The following SPOUT1 variants were observed in gnomAD, a reference collection of about 807,000 sequenced individuals.
The protein encoded by SPOUT1 is SPOUT domain containing methyltransferase 1.
SPOUT1 carries 40 observed loss-of-function variants against 54.8 expected under a neutral mutation model. That is an observed-to-expected ratio of 0.73 (90% CI 0.57 to 0.95). SPOUT1 has a LOEUF of 0.95. Ranked by LOEUF, SPOUT1 falls within the 40% of genes least tolerant of loss-of-function variation. The pLI is 0.00. For missense variants in SPOUT1, 437 were observed against 499.5 expected, an observed-to-expected ratio of 0.87 and a Z score of 1.19; for synonymous variants, 193 against 200.3, an observed-to-expected ratio of 0.96 and a Z score of 0.31.
In SPOUT1 at chr9:128,826,297, C is replaced by T; in HGVS notation, c.508+87G>A. 4 of 1,570,626 alleles carry T rather than the reference C, an allele frequency of 2.5e-6. No homozygotes were observed. Among genetic ancestry groups the T allele is most frequent in the Admixed American group, 1.7e-5 (1 of 59,850 alleles). The stretch of plus-strand genomic sequence containing the variant: ...TTGCTCTCCCAGGCCTGCTTTCCCA[C>T]CTGGACAGCGCAGGGTAGGACTGGG... On this transcript the variant is annotated intron_variant, in intron 6 of 11. Transcript: ENST00000361256. The surrounding 1 kb of genome is among the most constrained non-coding windows in gnomAD (Gnocchi z 5.5).
chr9:128,820,868 G>T lies in SPOUT1; in HGVS notation c.*1897C>A, dbSNP rs753325227. 2 of 1,588,028 alleles carry T rather than the reference G, an allele frequency of 1.3e-6. No homozygotes were observed. Among genetic ancestry groups the T allele is most frequent in the African/African-American group, 1.3e-5 (1 of 74,568 alleles). ...GCCCAGGTAAGGTGGAAACCAGGGG[G>T]GCGGCAGAACCTCCCACTCACCTGA... On this transcript the variant is annotated 3_prime_UTR_variant, in exon 12 of 12. Transcript: ENST00000361256.
rs913464527 is a variant in SPOUT1, at chr9:128,820,668, C to G, written c.*2097G>C. 3.0e-6 allele frequency: 4 copies of G among 1,341,338 alleles called. No homozygotes were observed. The highest frequency in any genetic ancestry group is 4.2e-6 in the Non-Finnish European group (4 of 955,128). The allele number at this position is 1,341,338 out of a possible 1,614,324, so 83.1% of individuals were successfully genotyped here. ...CTGAGCCTGTCCATCCCCTCAGGAC[C>G]TGGGGCGGCCCTCTGATAGAGGAGG... On this transcript the variant is annotated 3_prime_UTR_variant, in exon 12 of 12. Coordinates refer to ENST00000361256, the MANE Select transcript of SPOUT1 (RefSeq NM_016390.4).
At chr9:128,824,226 C>G (rs772878300) in intron 9 of SPOUT1, 52 bp from the exon 10 acceptor site, 8 of 985,596 alleles carry the variant, frequency 8.1e-6, no homozygotes, top group Admixed American at 7.2e-5. Flanking sequence ...AGCCATAGCT[C>G]CGGGTATTAT....
chr9:128,825,067 G>T lies in SPOUT1; in HGVS notation c.640-18C>A, dbSNP rs1223436542. 1.3e-6 allele frequency: 2 copies of T among 1,543,960 alleles called. No homozygotes were observed. Among genetic ancestry groups the T allele is most frequent in the Non-Finnish European group, 1.8e-6 (2 of 1,138,902 alleles). ...TTCACCTCCTGGGGAGAAGCCAGAA[G>T]AAATGGGTGCCATTCCTCTCAAGAT... On this transcript the variant is annotated intron_variant, in intron 7 of 11. Transcript: ENST00000361256.
intron 3 of SPOUT1, among the ~76,000 whole-genome samples, 175 bp from the exon 4 acceptor site, chr9:128,827,366 CAT>C (rs1168734081): frequency 6.6e-6 from 1 of 152,230 alleles, no homozygotes; most frequent in African/African-American, 2.4e-5. Flanking sequence ...CAGCAGTCTC[CAT>C]GGCTCCTCTG....
At chr9:128,824,261 G>T in intron 9 of SPOUT1, 87 bp from the exon 10 acceptor site, 1 of 644,860 alleles carries the variant, frequency 1.6e-6, no homozygotes, top group Non-Finnish European at 2.9e-6. Context: ...AGGCGGGGGT[G>T]GGTGGGAAGA....
intron 3 of SPOUT1, among the ~76,000 whole-genome samples, 160 bp downstream of exon 3, chr9:128,828,575 G>T (rs1287166167): frequency 2.6e-5 from 4 of 151,850 alleles, no homozygotes; most frequent in Non-Finnish European, 5.9e-5. Context: ...AACTCAGTTT[G>T]CTGGCTCCCT....
chr9:128,820,866 G>A lies in SPOUT1; in HGVS notation c.*1899C>T, dbSNP rs755527226. The A allele has an allele frequency of 1.3e-6, 2 of 1,590,552 alleles. No homozygotes were observed. The highest frequency in any genetic ancestry group is 1.7e-6 in the Non-Finnish European group (2 of 1,166,946). Reference sequence around the variant, plus strand: ...CTGCCCAGGTAAGGTGGAAACCAGGGGGGCGGCAGAACCTCCCACTCACCT... The same window carrying A: ...CTGCCCAGGTAAGGTGGAAACCAGGAGGGCGGCAGAACCTCCCACTCACCT... On this transcript the variant is annotated 3_prime_UTR_variant, in exon 12 of 12. Transcript: ENST00000361256.
Position 128,821,727 on chromosome 9 carries a change from G to A in SPOUT1, c.*1038C>T, listed in dbSNP as rs1420697604. The stretch of plus-strand genomic sequence containing the variant: ...CCAGGCCTCATCACCTAGTTCCTTG[G>A]TGCTGTGGGCAAATGACCTGTGTCC... On this transcript the variant is annotated 3_prime_UTR_variant, in exon 12 of 12. Coordinates refer to ENST00000361256, the MANE Select transcript of SPOUT1 (RefSeq NM_016390.4). 6.2e-6 allele frequency: 1 copy of A among 160,854 alleles called. No individual in the cohort carries two copies. Among genetic ancestry groups the A allele is most frequent in the South Asian group, 1.7e-4 (1 of 5,756 alleles). 10.0% of individuals were successfully genotyped at this position (160,854 alleles called of 1,614,324 possible).
At chr9:128,827,302 G>A (rs1011454624) in intron 3 of SPOUT1, 111 bp from the exon 4 acceptor site, 3 of 1,013,568 alleles carry the variant, frequency 3.0e-6, no homozygotes, top group African/African-American at 3.2e-5. Context: ...CAAGTGGGAG[G>A]AATTTTGAGA....
At position 128,826,135 on chromosome 9, in the gene SPOUT1, C is replaced by T; in HGVS notation, c.526G>A (p.Asp176Asn). Reference protein sequence around the residue: ...LQFAGLLNPLDSPHHMRQDEE... With the variant: ...LQFAGLLNPLNSPHHMRQDEE... Reference sequence around the variant, plus strand: ...TCCTGACGCATGTGGTGGGGGCTGTCCAGGGGGTTCAGGAGCCCTGTGGAG... The same window carrying T: ...TCCTGACGCATGTGGTGGGGGCTGTTCAGGGGGTTCAGGAGCCCTGTGGAG... The change falls in exon 7 of 12, where the codon GAC becomes AAC. Residue 176 changes from aspartate (D) to asparagine (N), a missense_variant. Asp to Asn is a conservative substitution (Grantham distance 23, BLOSUM62 1). Coordinates refer to ENST00000361256, the MANE Select transcript of SPOUT1 (RefSeq NM_016390.4). This position sits in a 1 kb window ranked among gnomAD's most constrained non-coding sequence, Gnocchi z 5.5. 1 of 1,609,206 alleles carries T rather than the reference C, an allele frequency of 6.2e-7. No homozygotes were observed. The highest frequency in any genetic ancestry group is 1.1e-5 in the South Asian group (1 of 90,200).
Position 128,820,834 on chromosome 9 carries a change from A to T in SPOUT1, c.*1931T>A. 2 of 1,608,800 alleles carry T rather than the reference A, an allele frequency of 1.2e-6. No individual in the cohort carries two copies. Among genetic ancestry groups the T allele is most frequent in the Non-Finnish European group, 1.7e-6 (2 of 1,177,560 alleles). On this transcript the variant is annotated 3_prime_UTR_variant, in exon 12 of 12. Transcript: ENST00000361256. ...AAAACGTCTATGTCTGCACAGGGCC[A>T]CTCTTCCTGCCCAGGTAAGGTGGAA...
Position 128,822,837 on chromosome 9 carries a change from G to A in SPOUT1, c.1063-4C>T. On this transcript the variant is annotated splice_region_variant and splice_polypyrimidine_tract_variant and intron_variant, in intron 11 of 11. Transcript: ENST00000361256. ...CCAGGGAGATGAGGATGGCTTCCTG[G>A]AAGAGAAGCGTGGCAGTGGGCTGGG... The A allele has an allele frequency of 6.3e-7, 1 of 1,579,620 alleles. No individual in the cohort carries two copies. Among genetic ancestry groups the A allele is most frequent in the South Asian group, 1.2e-5 (1 of 86,780 alleles).
rs1830073808 is a variant in SPOUT1 at position 128,819,900 on chromosome 9, CTG to C, written c.*2863_*2864del. The C allele has an allele frequency of 6.6e-6, 1 of 152,286 alleles. No individual in the cohort carries two copies. The highest frequency in any genetic ancestry group is 2.4e-5 in the African/African-American group (1 of 41,460). 9.4% of individuals were successfully genotyped at this position (152,286 alleles called of 1,614,324 possible). On this transcript the variant is annotated 3_prime_UTR_variant, in exon 12 of 12. Coordinates refer to ENST00000361256, the MANE Select transcript of SPOUT1 (RefSeq NM_016390.4). The stretch of plus-strand genomic sequence containing the variant: ...ATGACAATCTCCAGCCGCCACTGAT[CTG>C]ACAGGAGGCGGAGCTCAGGCTGCTG...
rs769368347 is a variant in SPOUT1, at chr9:128,820,623, G to A, written c.*2142C>T. 1.1e-4 allele frequency: 88 copies of A among 820,956 alleles called. No individual in the cohort carries two copies. The highest frequency in any genetic ancestry group is 1.5e-4 in the Non-Finnish European group (77 of 506,504). 50.9% of individuals were successfully genotyped at this position (820,956 alleles called of 1,614,324 possible). A position where few individuals can be genotyped will look rare whatever the true frequency, so the allele number is the denominator to read the frequency against. On this transcript the variant is annotated 3_prime_UTR_variant, in exon 12 of 12. Coordinates refer to ENST00000361256, the MANE Select transcript of SPOUT1 (RefSeq NM_016390.4). ...ATTCCTTGAGCCTCAGTTTCCCCCC[G>A]CTTGTCTCACTGGATATCTCTGAGC...
chr9:128,822,354 T>G lies in SPOUT1; in HGVS notation c.*411A>C. ...ACAGAGGCTGATGGGAAATCCTACG[T>G]AAAGTACCAGGTCATCGGCAAGAAC... On this transcript the variant is annotated 3_prime_UTR_variant, in exon 12 of 12. Transcript: ENST00000361256. 1 of 1,613,796 alleles carries G rather than the reference T, an allele frequency of 6.2e-7. No individual in the cohort carries two copies. Among genetic ancestry groups the G allele is most frequent in the Non-Finnish European group, 8.5e-7 (1 of 1,179,930 alleles).
chr9:128,826,232 G>A lies in SPOUT1; in HGVS notation c.509-80C>T, dbSNP rs1047667954. 17 of 1,559,138 alleles carry A rather than the reference G, an allele frequency of 1.1e-5. No homozygotes were observed. Among genetic ancestry groups the A allele is most frequent in the Non-Finnish European group, 1.4e-5 (16 of 1,144,030 alleles). On this transcript the variant is annotated intron_variant, in intron 6 of 11. Coordinates refer to ENST00000361256, the MANE Select transcript of SPOUT1 (RefSeq NM_016390.4). The surrounding 1 kb of genome is among the most constrained non-coding windows in gnomAD (Gnocchi z 5.5). Reference sequence around the variant, plus strand: ...GTGGGGACCCTGGAGCGGAGTACCGGCTCTGCCACAGACCTGCGTCTTGGC... The same window carrying A: ...GTGGGGACCCTGGAGCGGAGTACCGACTCTGCCACAGACCTGCGTCTTGGC...
chr9:128,825,462 G>A (rs754878842), intron 7 of SPOUT1, among the ~76,000 whole-genome samples: 67 of 152,130 alleles, frequency 4.4e-4, no homozygotes, highest in Non-Finnish European at 7.8e-4. Flanking sequence ...CTCCCGAGTA[G>A]CTGGGATTAT....
rs768786342 is a variant in SPOUT1 at position 128,826,543 on chromosome 9, G to A, written c.455C>T (p.Pro152Leu). 1.9e-6 allele frequency: 3 copies of A among 1,611,272 alleles called. No homozygotes were observed. The highest frequency in any genetic ancestry group is 2.5e-6 in the Non-Finnish European group (3 of 1,178,292). The change falls in exon 5 of 12, where the codon CCA becomes CTA. Residue 152 changes from proline to leucine, a missense_variant. Transcript: ENST00000361256. This position sits in a 1 kb window ranked among gnomAD's most constrained non-coding sequence, Gnocchi z 5.5. ...CTTAGGGGAGTGACCCCCTTACTGT[G>A]GACACTCCAGGTACTGCAGGATCCG... ...LARILQYLECPQYLRKAFFPK... is the reference protein window; with the variant it reads ...LARILQYLECLQYLRKAFFPK...
Sources: gnomAD v4.1 joint callset for allele counts (sites outside exome capture counted in the v4.1 genomes callset) on GRCh38, gnomAD v4.1.1 for gene constraint, Gnocchi (gnomAD v3.1) non-coding constraint, MANE v1.5 for transcripts, NCBI Gene and HGNC (gene_info 2026-07-23, HGNC 2026-07-21) for gene names.